AKAP9: variants seen among roughly 807,000 people sequenced by gnomAD.
AKAP9 encodes A-kinase anchor protein 9.
A neutral mutation model predicts 488.5 loss-of-function variants in AKAP9; 311 were observed. That is an observed-to-expected ratio of 0.64 (90% confidence interval 0.58 to 0.70). The LOEUF is 0.70. Among genes scored for constraint, AKAP9 ranks in the 30% least tolerant of loss-of-function variants. AKAP9 has a pLI of 0.00. For missense variants in AKAP9, 4,215 were observed against 4,374.5 expected (o/e 0.96, Z 1.03); for synonymous variants, 1,462 against 1,483.5 (o/e 0.99, Z 0.33).
In AKAP9 at chr7:92,038,695, C is replaced by T. The variant is rs916216692; in HGVS notation, c.4615C>T (p.Pro1539Ser). The T allele has an allele frequency of 1.0e-5, 16 of 1,606,814 alleles. No homozygotes were observed. Among genetic ancestry groups the T allele is most frequent in the Non-Finnish European group, 1.3e-5 (15 of 1,177,380 alleles). ...LLSNSDPHDI[P>S]ESKDCVLTIS... ...ATCAAATAGTGATCCCCATGATATA[C>T]CAGAATCAAAGGACTGTGTGCTGAC... Residue 1539 changes from proline (P) to serine (S), a missense_variant, in exon 17 of 50, where the codon CCA becomes TCA. By Grantham distance (74) the Pro-to-Ser change is moderately conservative. Coordinates refer to ENST00000356239, the MANE Select transcript of AKAP9 (RefSeq NM_005751.5).
chr7:92,051,419 A>C (rs921383343), intron 21 of AKAP9, among the ~76,000 whole-genome samples: 4 of 152,208 alleles, frequency 2.6e-5, no homozygotes, highest in African/African-American at 9.7e-5. Flanking sequence ...AGTGTAGCTG[A>C]TGTGTTTTTT....
At chr7:91,948,605 C>CTTTTT (rs55928500) in intron 1 of AKAP9, among the ~76,000 whole-genome samples, 41 of 107,526 alleles carry the variant, frequency 3.8e-4, no homozygotes, top group Middle Eastern at 5.1e-3. Flanking sequence ...TTGTAGATTT[C>CTTTTT]TTTTTTTTTT....
chr7:92,091,913 A>T (rs551341725), intron 38 of AKAP9: 2 of 152,318 alleles, frequency 1.3e-5, no homozygotes, highest in East Asian at 3.9e-4. Flanking sequence ...AACGTCAGTA[A>T]TATGAATTGT....
intron 28 of AKAP9, among the ~76,000 whole-genome samples, chr7:92,073,433 G>A (rs1353406581): frequency 6.6e-6 from 1 of 151,778 alleles, no homozygotes; most frequent in East Asian, 1.9e-4. Flanking sequence ...GTGAACCCGG[G>A]AGGCAGAGCT....
At chr7:92,027,284 C>CAT (rs1484699070) in intron 14 of AKAP9, among the ~76,000 whole-genome samples, 4 of 140,608 alleles carry the variant, frequency 2.8e-5, no homozygotes, top group African/African-American at 5.4e-5. Flanking sequence ...CCCAGCCGCC[C>CAT]CGTCTGGGAT....
At position 92,096,766 on chromosome 7, in the gene AKAP9, A is replaced by C; in HGVS notation, c.9807A>C (p.Leu3269=). 6.2e-7 allele frequency: 1 copy of C among 1,614,240 alleles called. No homozygotes were observed. Among genetic ancestry groups the C allele is most frequent in the Non-Finnish European group, 8.5e-7 (1 of 1,180,030 alleles). ...TACTTTTGGAACAACAGAAACAACT[A>C]CTGAACGAATCCCAGCAAAAAATAG... ...LNLLLEQQKQ[L]LNESQQKIES... Residue 3269 remains leucine, a synonymous_variant, in exon 41 of 50, where the codon CTA becomes CTC. Transcript: ENST00000356239.
At chr7:92,099,310 C>G (rs1197078854) in intron 43 of AKAP9, among the ~76,000 whole-genome samples, 1 of 152,154 alleles carries the variant, frequency 6.6e-6, no homozygotes, top group African/African-American at 2.4e-5. Context: ...TATATCTTCC[C>G]TAATTTCCCC....
chr7:92,031,431 G>T, intron 15 of AKAP9, 81 bp from the exon 16 acceptor site: 1 of 968,602 alleles, frequency 1.0e-6, no homozygotes, highest in East Asian at 2.4e-5. Flanking sequence ...TGATACTTTG[G>T]GGAGATTTTG....
At chr7:92,100,704 T>A in intron 44 of AKAP9, 152 bp from the exon 45 acceptor site, 1 of 796,676 alleles carries the variant, frequency 1.3e-6, no homozygotes, top group Non-Finnish European at 2.1e-6. Context: ...TAAGAGTTAG[T>A]GTATATGCGT....
intron 42 of AKAP9, 37 bp from the exon 43 acceptor site, chr7:92,098,072 A>C: frequency 7.2e-7 from 1 of 1,381,496 alleles, no homozygotes; most frequent in East Asian, 2.3e-5. Flanking sequence ...CCCCCAATTG[A>C]GAAGGTATGT....
At chr7:92,087,037 A>AAATTT (rs1283343000) in intron 37 of AKAP9, among the ~76,000 whole-genome samples, 1 of 152,206 alleles carries the variant, frequency 6.6e-6, no homozygotes, top group Non-Finnish European at 1.5e-5. Flanking sequence ...AAAGGCACAA[A>AAATTT]AATTTGAAAA....
intron 8 of AKAP9, among the ~76,000 whole-genome samples, chr7:92,004,591 A>T (rs1396121474): frequency 6.6e-6 from 1 of 152,028 alleles, no homozygotes; most frequent in African/African-American, 2.4e-5. Flanking sequence ...TGTGAATGGG[A>T]GTTCACTCAT....
At chr7:92,059,618 T>C (rs1186354585) in intron 22 of AKAP9, among the ~76,000 whole-genome samples, 1 of 151,942 alleles carries the variant, frequency 6.6e-6, no homozygotes, top group East Asian at 1.9e-4. Context: ...TATATCCTTA[T>C]AGTAAATTTA....
intron 14 of AKAP9, among the ~76,000 whole-genome samples, chr7:92,029,201 T>A (rs200465459): frequency 1.4e-3 from 208 of 147,704 alleles, no homozygotes; most frequent in Admixed American, 2.2e-3. Context: ...AAAAAAAAAA[T>A]TTTTAATCAT....
At chr7:92,058,876 T>C (rs1809266811) in intron 22 of AKAP9, among the ~76,000 whole-genome samples, 1 of 152,038 alleles carries the variant, frequency 6.6e-6, no homozygotes, top group South Asian at 2.1e-4. Context: ...CTTAACAACC[T>C]AAGAAACTTA....
chr7:92,038,368 C>T (rs1281069207), intron 16 of AKAP9, 51 bp from the exon 17 acceptor site: 4 of 1,441,190 alleles, frequency 2.8e-6, no homozygotes, highest in Non-Finnish European at 3.9e-6. Flanking sequence ...TTTTAAATTC[C>T]TGCTGATATT....
chr7:91,977,133 A>ACCTG (rs1003036324), intron 2 of AKAP9, among the ~76,000 whole-genome samples: 19 of 152,102 alleles, frequency 1.2e-4, no homozygotes, highest in African/African-American at 4.6e-4. Context: ...GGTTGTGCAC[A>ACCTG]CCTGTGGTCC....
rs536683520 is a variant in AKAP9, at chr7:92,106,638, A to C, written c.11417-655A>C. Among the ~76,000 whole-genome samples, 6 of 152,386 alleles carry C rather than the reference A, an allele frequency of 3.9e-5. No homozygotes were observed. In the South Asian group the frequency reaches 1.2e-3, roughly 32 times the overall value. ...GCTAAAATTCCTTCTGTCTACACCTAGAAGTGGAAACAAACTAGGGCTTGA... is the reference window on the plus strand; with the variant it reads ...GCTAAAATTCCTTCTGTCTACACCTCGAAGTGGAAACAAACTAGGGCTTGA... On this transcript the variant is annotated intron_variant, in intron 47 of 49. Coordinates refer to ENST00000356239, the MANE Select transcript of AKAP9 (RefSeq NM_005751.5).
intron 12 of AKAP9, among the ~76,000 whole-genome samples, chr7:92,019,916 A>T (rs924393123): frequency 6.6e-6 from 1 of 152,016 alleles, no homozygotes; most frequent in Non-Finnish European, 1.5e-5. Flanking sequence ...CTGGAGGCTG[A>T]TGCAAGAGAA....
Sources: gnomAD v4.1 joint callset for allele counts (sites outside exome capture counted in the v4.1 genomes callset) on GRCh38, gnomAD v4.1.1 for gene constraint, MANE v1.5 for transcripts, NCBI Gene and HGNC (gene_info 2026-07-23, HGNC 2026-07-21) for gene names.